The following DOCK8 variants were observed in gnomAD, a reference collection of about 807,000 sequenced individuals.
DOCK8 encodes dedicator of cytokinesis 8.
DOCK8 carries 141 observed loss-of-function variants against 245.6 expected under a neutral mutation model. The observed-to-expected ratio is 0.57, with a 90% CI of 0.50 to 0.66. The LOEUF is 0.66. DOCK8 is among the 30% of genes least tolerant of loss of function. The probability of loss-of-function intolerance (pLI) is 0.00; values close to 1 mark genes in which losing one functional copy is unlikely to be tolerated. For missense variants in DOCK8, 2,965 were observed against 2,603.4 expected (o/e 1.14, Z -3.02); for synonymous variants, 1,168 against 970.2 (o/e 1.20, Z -3.79).
At chr9:270,384 T>C (rs2048132429) in intron 1 of DOCK8, among the ~76,000 whole-genome samples, 1 of 152,236 alleles carries the variant, frequency 6.6e-6, no homozygotes, top group African/African-American at 2.4e-5. Flanking sequence ...CCGTGAGTTA[T>C]GTGCCCACTC....
chr9:429,991 T>C, intron 36 of DOCK8, 137 bp downstream of exon 36: 1 of 1,029,708 alleles, frequency 9.7e-7, no homozygotes, highest in Non-Finnish European at 1.4e-6. Flanking sequence ...CAATTGAGTA[T>C]GTAGATAGAT....
At chr9:444,060 T>C (rs2057172495) in intron 43 of DOCK8, among the ~76,000 whole-genome samples, 1 of 152,170 alleles carries the variant, frequency 6.6e-6, no homozygotes, top group Non-Finnish European at 1.5e-5. Flanking sequence ...CACTGTGCTG[T>C]TGGGGGAATG....
At chr9:291,537 T>C (rs2049039047) in intron 4 of DOCK8, among the ~76,000 whole-genome samples, 1 of 152,200 alleles carries the variant, frequency 6.6e-6, no homozygotes, top group African/African-American at 2.4e-5. Flanking sequence ...CTATTAAATA[T>C]GCTTCCTCAA....
At chr9:400,961 ACCAC>A (rs2055029147) in intron 26 of DOCK8, among the ~76,000 whole-genome samples, 1 of 68,078 alleles carries the variant, frequency 1.5e-5, no homozygotes, top group Non-Finnish European at 2.3e-5. Context: ...CACCACCACC[ACCAC>A]CTCCTCCACC....
At chr9:399,062 C>CT (rs1481009883) in intron 25 of DOCK8, 84 bp from the exon 26 acceptor site, 18 of 1,268,196 alleles carry the variant, frequency 1.4e-5, no homozygotes, top group Non-Finnish European at 1.8e-5. Context: ...TAGGACCTGT[C>CT]TCTCCCAATG....
chr9:367,578 G>A, intron 14 of DOCK8, among the ~76,000 whole-genome samples: 1 of 152,180 alleles, frequency 6.6e-6, no homozygotes, highest in East Asian at 1.9e-4. Flanking sequence ...AAGCCAATAC[G>A]AGTGCCATGC....
chr9:340,108 C>T (rs373825684), intron 13 of DOCK8, 51 bp from the exon 14 acceptor site: 223 of 1,585,696 alleles, frequency 1.4e-4, no homozygotes, highest in Non-Finnish European at 2.5e-5. Context: ...TCTTGATTCC[C>T]TCATAACATG....
At chr9:454,324 T>A (rs2057560588) in intron 46 of DOCK8, 1 of 152,194 alleles carries the variant, frequency 6.6e-6, no homozygotes, top group African/African-American at 2.4e-5. Flanking sequence ...TAACTTTTAT[T>A]TCAGTATATT....
intron 5 of DOCK8, among the ~76,000 whole-genome samples, chr9:307,260 G>A (rs1443566052): frequency 2.0e-5 from 3 of 150,242 alleles, no homozygotes; most frequent in African/African-American, 7.3e-5. Context: ...GTGAAGACCA[G>A]CGTACACACA....
intron 46 of DOCK8, among the ~76,000 whole-genome samples, chr9:461,003 A>G (rs1290293539): frequency 2.6e-5 from 4 of 152,208 alleles, no homozygotes; most frequent in Non-Finnish European, 5.9e-5. Context: ...TGTCCCTTTA[A>G]GGTTTATTGA....
At chr9:400,499 T>A (rs1291910082) in intron 26 of DOCK8, among the ~76,000 whole-genome samples, 4 of 22,504 alleles carry the variant, frequency 1.8e-4, no homozygotes, top group African/African-American at 1.0e-3. Context: ...CACCACCACC[T>A]CCACCATCAC....
intron 14 of DOCK8, among the ~76,000 whole-genome samples, chr9:362,736 T>C (rs1039000720): frequency 2.6e-5 from 4 of 152,204 alleles, no homozygotes; most frequent in Non-Finnish European, 5.9e-5. Context: ...CTCCAAGCTG[T>C]AGAAGGCCAT....
intron 36 of DOCK8, among the ~76,000 whole-genome samples, chr9:430,808 A>G (rs185559357): frequency 4.2e-4 from 64 of 152,202 alleles, no homozygotes; most frequent in Non-Finnish European, 7.9e-4. Flanking sequence ...TAGTGCCAGA[A>G]TGACCTGTGG....
In DOCK8 at chr9:418,333, G is replaced by T; in HGVS notation, c.3840+126G>T. ...GTTGCACAGGCTGGAGTGCAGTGGCGCAATCTCAGTTCACTGCAACCTCCG... is the reference window on the plus strand; with the variant it reads ...GTTGCACAGGCTGGAGTGCAGTGGCTCAATCTCAGTTCACTGCAACCTCCG... On this transcript the variant is annotated intron_variant, in intron 30 of 47. Coordinates refer to ENST00000432829, the MANE Select transcript of DOCK8 (RefSeq NM_203447.4). The T allele has an allele frequency of 2.3e-6, 3 of 1,303,316 alleles. No individual in the cohort carries two copies. In the South Asian group the frequency reaches 3.6e-5, roughly 15 times the overall value. 80.7% of individuals were successfully genotyped at this position (1,303,316 alleles called of 1,614,324 possible).
intron 1 of DOCK8, among the ~76,000 whole-genome samples, chr9:243,906 C>T (rs944092230): frequency 2.0e-5 from 3 of 152,044 alleles, no homozygotes; most frequent in African/African-American, 4.8e-5. Context: ...CAGCTCTCGC[C>T]GGGCGCGGTG....
intron 1 of DOCK8, among the ~76,000 whole-genome samples, chr9:253,177 C>G (rs547900298): frequency 9.9e-5 from 15 of 152,250 alleles, no homozygotes; most frequent in African/African-American, 3.6e-4. Flanking sequence ...TCCTCAGTGT[C>G]CCTGTATGAA....
intron 14 of DOCK8, among the ~76,000 whole-genome samples, chr9:358,401 A>G (rs925580984): frequency 1.3e-5 from 2 of 152,234 alleles, no homozygotes; most frequent in East Asian, 1.9e-4. Context: ...ACTGCTTCCC[A>G]TTCTAAAAAG....
chr9:428,742 C>T lies in DOCK8; in HGVS notation c.4473+246C>T, dbSNP rs12337949. On this transcript the variant is annotated intron_variant, in intron 35 of 47. Coordinates refer to ENST00000432829, the MANE Select transcript of DOCK8 (RefSeq NM_203447.4). The stretch of plus-strand genomic sequence containing the variant: ...ACTCTAGAAGTTTAAAATGGCCATT[C>T]GCTGAAGGTCTATGACATGAGAACA... 0.072 allele frequency among the ~76,000 whole-genome samples: 11,031 copies of T among 152,212 alleles called. 452 individuals carry two copies. The highest frequency in any genetic ancestry group is 0.1 in the African/African-American group (4,223 of 41,526).
At chr9:416,094 G>T (rs2055993708) in intron 29 of DOCK8, among the ~76,000 whole-genome samples, 1 of 152,166 alleles carries the variant, frequency 6.6e-6, no homozygotes, top group African/African-American at 2.4e-5. Flanking sequence ...TAACTCAGAA[G>T]AGAAAGGTTG....
Sources: allele counts gnomAD v4.1 joint callset (sites outside exome capture counted in the v4.1 genomes callset), GRCh38; gene constraint gnomAD v4.1.1; transcripts MANE v1.5; gene names NCBI Gene and HGNC (gene_info 2026-07-23, HGNC 2026-07-21).